Variants in CLECL1 observed in about 807,000 individuals in gnomAD.
CLECL1 encodes the protein C-type lectin-like domain family 1.
chr12:9,715,263 T>C (rs960003078), downstream of CLECL1, among the ~76,000 whole-genome samples: 1 of 152,244 alleles, frequency 6.6e-6, no homozygotes, highest in African/African-American at 2.4e-5. Context: ...TCTTAACCTA[T>C]GCTGTTTACT....
chr12:9,703,343 TACAC>T, the CLECL1 span, among the ~76,000 whole-genome samples: 90 of 152,082 alleles, frequency 5.9e-4, no homozygotes, highest in African/African-American at 1.9e-3. Context: ...TATACACACA[TACAC>T]ACACACTCTT....
intron 3 of CLECL1, among the ~76,000 whole-genome samples, chr12:9,723,885 G>T (rs1743171569): frequency 6.6e-6 from 1 of 152,058 alleles, no homozygotes; most frequent in African/African-American, 2.4e-5. Flanking sequence ...TACACCAATT[G>T]CTTGCTAAGG....
At chr12:9,704,013 G>A in the CLECL1 span, 1 of 152,154 alleles carries the variant, frequency 6.6e-6, no homozygotes, top group Non-Finnish European at 1.5e-5. Context: ...TTACATTAAA[G>A]CTTATTTTAT....
the CLECL1 span, among the ~76,000 whole-genome samples, chr12:9,708,702 C>G: frequency 6.6e-6 from 1 of 152,198 alleles, no homozygotes; most frequent in Non-Finnish European, 1.5e-5. Context: ...TTCTCTACTT[C>G]ATGGGTACCT....
the CLECL1 span, among the ~76,000 whole-genome samples, chr12:9,706,063 G>A: frequency 6.6e-6 from 1 of 152,106 alleles, no homozygotes; most frequent in Non-Finnish European, 1.5e-5. Context: ...GCAGTGGTTT[G>A]TACTTCTCCT....
the CLECL1 span, among the ~76,000 whole-genome samples, chr12:9,707,492 C>T: frequency 6.0e-5 from 9 of 149,976 alleles, no homozygotes; most frequent in Non-Finnish European, 1.0e-4. Flanking sequence ...AAGGGAAGTG[C>T]TAGGTAGATG....
chr12:9,708,878 C>G, the CLECL1 span: 1 of 260,862 alleles, frequency 3.8e-6, no homozygotes, highest in Non-Finnish European at 7.2e-6. Flanking sequence ...TCAGAATGGG[C>G]AACCAGTTCT....
chr12:9,730,234 G>A (rs907380526), intron 1 of CLECL1, among the ~76,000 whole-genome samples: 2 of 152,158 alleles, frequency 1.3e-5, no homozygotes, highest in Non-Finnish European at 2.9e-5. Flanking sequence ...TACCAGACTA[G>A]TGCTGCCTTC....
chr12:9,707,481 G>A, the CLECL1 span, among the ~76,000 whole-genome samples: 3 of 151,878 alleles, frequency 2.0e-5, no homozygotes, highest in East Asian at 2.0e-4. Flanking sequence ...TGCAGTGGGG[G>A]AAGGGAAGTG....
At chr12:9,725,536 T>G (rs1225083501) in intron 3 of CLECL1, among the ~76,000 whole-genome samples, 1 of 117,924 alleles carries the variant, frequency 8.5e-6, no homozygotes, top group African/African-American at 3.6e-5. Flanking sequence ...CCCATTTTGA[T>G]ATCATAGAAT....
At chr12:9,705,534 G>C in the CLECL1 span, among the ~76,000 whole-genome samples, 1 of 151,840 alleles carries the variant, frequency 6.6e-6, no homozygotes, top group Non-Finnish European at 1.5e-5. Flanking sequence ...TTATAGTTTT[G>C]GGTTTTACAC....
At chr12:9,727,719 A>G (rs2121059731) in intron 2 of CLECL1, among the ~76,000 whole-genome samples, 1 of 151,942 alleles carries the variant, frequency 6.6e-6, no homozygotes, top group East Asian at 1.9e-4. Flanking sequence ...ATTAGATACA[A>G]AGCCCAAAAC....
At chr12:9,733,242 A>T (rs776643093), upstream of CLECL1, 6 of 1,609,748 alleles carry the variant, frequency 3.7e-6, no homozygotes, top group South Asian at 6.6e-5. Context: ...TACTTGTATG[A>T]CATGGAAGAA....
intron 3 of CLECL1, among the ~76,000 whole-genome samples, chr12:9,726,298 C>T (rs1866379174): frequency 6.6e-6 from 1 of 151,502 alleles, no homozygotes; most frequent in Non-Finnish European, 1.5e-5. Context: ...ACATCAAAAG[C>T]CAATAAGTTT....
chr12:9,705,946 T>C, the CLECL1 span, among the ~76,000 whole-genome samples: 3 of 152,136 alleles, frequency 2.0e-5, no homozygotes, highest in African/African-American at 7.2e-5. Context: ...TTCTATTGAA[T>C]CTGTAAGTTG....
the CLECL1 span, among the ~76,000 whole-genome samples, chr12:9,710,012 T>G: frequency 6.6e-6 from 1 of 152,198 alleles, no homozygotes; most frequent in South Asian, 2.1e-4. Context: ...GTACACCTGT[T>G]AGTTGCTAAA....
the CLECL1 span, among the ~76,000 whole-genome samples, chr12:9,704,625 TCATTTAG>T: frequency 6.6e-6 from 1 of 152,210 alleles, no homozygotes; most frequent in Non-Finnish European, 1.5e-5. Flanking sequence ...TGTGTTCTCA[TCATTTAG>T]CTCTCACTTA....
chr12:9,721,786 C>G (rs1223582951), downstream of CLECL1, among the ~76,000 whole-genome samples: 3 of 152,214 alleles, frequency 2.0e-5, no homozygotes, highest in African/African-American at 7.2e-5. Flanking sequence ...TTATCAATTC[C>G]TAATTCCATC....
the CLECL1 span, among the ~76,000 whole-genome samples, chr12:9,710,778 A>T: frequency 6.6e-6 from 1 of 152,158 alleles, no homozygotes; most frequent in Non-Finnish European, 1.5e-5. Context: ...CTGACAGAAC[A>T]ATGCAGAGTT....
Sources: allele counts gnomAD v4.1 joint callset (sites outside exome capture counted in the v4.1 genomes callset), GRCh38; gene constraint gnomAD v4.1.1; transcripts MANE v1.5; gene names NCBI Gene and HGNC (gene_info 2026-07-23, HGNC 2026-07-21).